The following PDSS2 variants were observed in gnomAD, a reference collection of about 807,000 sequenced individuals.
PDSS2 encodes all trans-polyprenyl-diphosphate synthase PDSS2.
PDSS2 carries 31 observed loss-of-function variants against 44.5 expected under a neutral mutation model. The ratio of observed to expected loss-of-function variants is 0.70; its 90% CI spans 0.52 to 0.94. PDSS2 has a LOEUF of 0.94. PDSS2 is among the 40% of genes least tolerant of loss of function. The pLI is 0.00. For synonymous variants in PDSS2, 157 were observed against 180.3 expected (o/e 0.87, Z 1.03); for missense variants, 452 against 482.2 (o/e 0.94, Z 0.59).
intron 7 of PDSS2, among the ~76,000 whole-genome samples, chr6:107,180,505 C>T (rs1453656583): frequency 2.6e-5 from 4 of 152,246 alleles, no homozygotes; most frequent in South Asian, 2.1e-4. Flanking sequence ...GGCAAAAACG[C>T]GCAGTATCTT....
intron 4 of PDSS2, among the ~76,000 whole-genome samples, chr6:107,243,916 G>C (rs1203863450): frequency 2.0e-5 from 3 of 152,168 alleles, no homozygotes; most frequent in South Asian, 2.1e-4. Context: ...ATCACCTGAG[G>C]TCAGGAGGTC....
In PDSS2 at chr6:107,261,785, G is replaced by T. The variant is rs186085077; in HGVS notation, c.630+12244C>A. ...GTAGAGATGGGGTTTTGGCATGTTG[G>T]CCAGGCTGGTCTCGAACTCCTGACC... On this transcript the variant is annotated intron_variant, in intron 3 of 7. Coordinates refer to ENST00000369037, the MANE Select transcript of PDSS2 (RefSeq NM_020381.4). Among the ~76,000 whole-genome samples the T allele has an allele frequency of 2.7e-3, 405 of 150,490 alleles. 5 individuals are homozygous for T. The highest frequency in any genetic ancestry group is 9.3e-3 in the African/African-American group (383 of 40,980).
chr6:107,188,615 C>T (rs1940179285), intron 7 of PDSS2, among the ~76,000 whole-genome samples: 2 of 152,088 alleles, frequency 1.3e-5, no homozygotes, highest in Non-Finnish European at 2.9e-5. Context: ...GAAAAGTGGC[C>T]TCCATTGTTG....
intron 2 of PDSS2, among the ~76,000 whole-genome samples, chr6:107,298,690 T>A (rs1260008027): frequency 6.6e-6 from 1 of 152,230 alleles, no homozygotes; most frequent in Non-Finnish European, 1.5e-5. Flanking sequence ...TACAGATGCA[T>A]ACATACATAC....
chr6:107,298,314 G>T (rs569921927), intron 2 of PDSS2, among the ~76,000 whole-genome samples: 14 of 151,976 alleles, frequency 9.2e-5, no homozygotes, highest in Admixed American at 2.6e-4. Flanking sequence ...TACTGAACAC[G>T]AGCAGACTTT....
intron 1 of PDSS2, among the ~76,000 whole-genome samples, chr6:107,361,683 T>A (rs1562487434): frequency 2.0e-5 from 3 of 152,212 alleles, no homozygotes; most frequent in East Asian, 1.9e-4. Flanking sequence ...CTTTAAAATG[T>A]ACAGATAGAG....
chr6:107,426,321 A>T (rs1485005959), intron 1 of PDSS2, among the ~76,000 whole-genome samples: 1 of 152,228 alleles, frequency 6.6e-6, no homozygotes, highest in African/African-American at 2.4e-5. Flanking sequence ...TTGAGTGTAT[A>T]GAAGTCAAGA....
intron 1 of PDSS2, among the ~76,000 whole-genome samples, chr6:107,446,447 T>C (rs541624130): frequency 2.9e-4 from 44 of 152,308 alleles, no homozygotes; most frequent in African/African-American, 8.4e-4. Flanking sequence ...AAAATTGATA[T>C]TGATAGATTG....
chr6:107,278,406 GA>G (rs1475265123), intron 2 of PDSS2, among the ~76,000 whole-genome samples: 2 of 152,034 alleles, frequency 1.3e-5, no homozygotes, highest in Non-Finnish European at 2.9e-5. Context: ...GTGACTAAAA[GA>G]AAGGAATAAA....
At chr6:107,244,572 T>C (rs553828703) in intron 4 of PDSS2, among the ~76,000 whole-genome samples, 1 of 152,360 alleles carries the variant, frequency 6.6e-6, no homozygotes, top group South Asian at 2.1e-4. Flanking sequence ...CTGTGGTTAC[T>C]TGAACCAAAC....
intron 6 of PDSS2, among the ~76,000 whole-genome samples, chr6:107,202,911 C>A (rs1772835662): frequency 6.6e-6 from 1 of 151,694 alleles, no homozygotes; most frequent in Non-Finnish European, 1.5e-5. Flanking sequence ...CGAGGAGATA[C>A]TACTTGTATT....
At chr6:107,224,238 C>A (rs1316603988) in intron 4 of PDSS2, among the ~76,000 whole-genome samples, 1 of 151,326 alleles carries the variant, frequency 6.6e-6, no homozygotes, top group Non-Finnish European at 1.5e-5. Context: ...ATCCAGGATC[C>A]ATTTCTCTCT....
At chr6:107,271,898 A>C (rs1191773762) in intron 3 of PDSS2, among the ~76,000 whole-genome samples, 1 of 151,368 alleles carries the variant, frequency 6.6e-6, no homozygotes, top group Non-Finnish European at 1.5e-5. Context: ...CCCGTCTCTA[A>C]AAAAAAATAC....
chr6:107,210,999 A>G (rs1773184526), intron 5 of PDSS2, among the ~76,000 whole-genome samples: 2 of 151,990 alleles, frequency 1.3e-5, no homozygotes, highest in Admixed American at 6.6e-5. Flanking sequence ...GTCTCAAAAA[A>G]AAAAAAAAAA....
At chr6:107,229,239 T>C (rs6924110) in intron 4 of PDSS2, among the ~76,000 whole-genome samples, 18,946 of 152,216 alleles carry the variant, frequency 0.12, 1,496 homozygotes, top group South Asian at 0.21. Context: ...CAGGCTGGAG[T>C]GCAATGGCGT....
At chr6:107,270,672 CA>C (rs1254498057) in intron 3 of PDSS2, among the ~76,000 whole-genome samples, 1 of 152,156 alleles carries the variant, frequency 6.6e-6, no homozygotes, top group Non-Finnish European at 1.5e-5. Context: ...GTTTTTACCA[CA>C]ACACTGTGCT....
At chr6:107,196,406 A>G (rs1272762687) in intron 6 of PDSS2, among the ~76,000 whole-genome samples, 1 of 152,224 alleles carries the variant, frequency 6.6e-6, no homozygotes, top group Non-Finnish European at 1.5e-5. Flanking sequence ...CTTTCCCAAC[A>G]TGCTTAGTCT....
chr6:107,315,926 G>C (rs953790751), intron 2 of PDSS2, among the ~76,000 whole-genome samples: 2 of 152,154 alleles, frequency 1.3e-5, no homozygotes, highest in Admixed American at 1.3e-4. Context: ...ACAATATACA[G>C]TTTTAGAAAT....
chr6:107,274,280 TA>T, intron 2 of PDSS2, 53 bp from the exon 3 acceptor site: 1 of 1,356,110 alleles, frequency 7.4e-7, no homozygotes, highest in South Asian at 1.2e-5. Context: ...ATTTTATCAC[TA>T]ATGTCTGATT....
Sources: allele counts gnomAD v4.1 joint callset (sites outside exome capture counted in the v4.1 genomes callset), GRCh38; gene constraint gnomAD v4.1.1; transcripts MANE v1.5; gene names NCBI Gene and HGNC (gene_info 2026-07-23, HGNC 2026-07-21).